The following FCHSD2 variants were observed in gnomAD, a reference collection of about 807,000 sequenced individuals.
The protein encoded by FCHSD2 is F-BAR and double SH3 domains protein 2.
A neutral mutation model predicts 108.1 loss-of-function variants in FCHSD2; 38 were observed. The ratio of observed to expected loss-of-function variants is 0.35; its 90% CI spans 0.27 to 0.46. The LOEUF (loss-of-function observed/expected upper bound fraction) is 0.46. Ranked by LOEUF, FCHSD2 falls within the 20% of genes least tolerant of loss-of-function variation. The pLI is 1.00. For missense variants in FCHSD2, 751 were observed against 897.8 expected (o/e 0.84, Z 2.09); for synonymous variants, 279 against 314.7 (o/e 0.89, Z 1.20).
intron 10 of FCHSD2, 135 bp downstream of exon 10, chr11:72,902,408 T>C: frequency 3.8e-6 from 2 of 529,530 alleles, no homozygotes; most frequent in Non-Finnish European, 6.6e-6. Flanking sequence ...ATAATTATTC[T>C]GTGTCCTCAC....
At chr11:72,850,375 ATTT>A (rs574177764) in intron 13 of FCHSD2, among the ~76,000 whole-genome samples, 3 of 148,048 alleles carry the variant, frequency 2.0e-5, no homozygotes, top group Non-Finnish European at 4.5e-5. Context: ...TAGGACAGAG[ATTT>A]TTTTTTATTT....
chr11:73,004,376 T>C (rs1857695452), intron 4 of FCHSD2, among the ~76,000 whole-genome samples: 1 of 152,174 alleles, frequency 6.6e-6, no homozygotes, highest in Admixed American at 6.5e-5. Context: ...TAATAACTAC[T>C]GCTTTGCTCC....
intron 2 of FCHSD2, among the ~76,000 whole-genome samples, chr11:73,108,556 T>G (rs1024449350): frequency 6.6e-6 from 1 of 152,236 alleles, no homozygotes; most frequent in Non-Finnish European, 1.5e-5. Flanking sequence ...TTTAAGTTTT[T>G]TTTTTTGTTT....
Position 73,096,987 on chromosome 11 carries a change from A to ATTTTTTTTTTTTTTTTTTTTTTT in FCHSD2, c.120-13270_120-13248dup, listed in dbSNP as rs60223064. On this transcript the variant is annotated intron_variant, in intron 2 of 19. Transcript: ENST00000409418. ...CTAATGTGATGTATTTCATTGATGG[A>ATTTTTTTTTTTTTTTTTTTTTTT]TTTTTTTTTTTTTTTTTTTTTTTTT... Among the ~76,000 whole-genome samples the ATTTTTTTTTTTTTTTTTTTTTTT allele has an allele frequency of 4.5e-3, 121 of 27,044 alleles. 48 individuals are homozygous for ATTTTTTTTTTTTTTTTTTTTTTT. Among genetic ancestry groups the ATTTTTTTTTTTTTTTTTTTTTTT allele is most frequent in the East Asian group, 7.1e-3 (4 of 564 alleles). The allele number at this position is 27,044 out of a possible 152,430, so 17.7% of individuals were successfully genotyped here.
intron 3 of FCHSD2, among the ~76,000 whole-genome samples, chr11:73,043,037 C>T (rs1354151197): frequency 6.6e-6 from 1 of 152,132 alleles, no homozygotes; most frequent in African/African-American, 2.4e-5. Flanking sequence ...TATTTAGATG[C>T]CTTGAATTTC....
intron 4 of FCHSD2, among the ~76,000 whole-genome samples, chr11:73,002,846 C>CT (rs1289090230): frequency 6.6e-6 from 1 of 152,122 alleles, no homozygotes; most frequent in African/African-American, 2.4e-5. Flanking sequence ...GGTTCCAGCA[C>CT]TTTTCTTTTA....
intron 9 of FCHSD2, among the ~76,000 whole-genome samples, chr11:72,913,821 A>AAC (rs1555053442): frequency 1.4e-5 from 2 of 144,500 alleles, no homozygotes; most frequent in African/African-American, 2.6e-5. Context: ...ACCAAAAAAA[A>AAC]CCCAAAAAAA....
At chr11:73,022,296 T>A (rs1858127785) in intron 3 of FCHSD2, among the ~76,000 whole-genome samples, 1 of 152,032 alleles carries the variant, frequency 6.6e-6, no homozygotes, top group African/African-American at 2.4e-5. Flanking sequence ...ATAAAAGGCA[T>A]ACAGATAGGA....
intron 8 of FCHSD2, among the ~76,000 whole-genome samples, chr11:72,981,969 G>A (rs1324424406): frequency 2.6e-5 from 4 of 152,152 alleles, no homozygotes; most frequent in Admixed American, 6.5e-5. Flanking sequence ...ATGACAGAGC[G>A]AGACCCTGTC....
At chr11:72,892,492 A>G (rs1855333126) in intron 10 of FCHSD2, among the ~76,000 whole-genome samples, 1 of 152,296 alleles carries the variant, frequency 6.6e-6, no homozygotes, top group Non-Finnish European at 1.5e-5. Flanking sequence ...AGGTGAATAC[A>G]GCCCAGGCTA....
chr11:73,122,690 A>G (rs1860762977), intron 2 of FCHSD2, among the ~76,000 whole-genome samples: 2 of 152,210 alleles, frequency 1.3e-5, no homozygotes, highest in African/African-American at 2.4e-5. Context: ...TTTAGGATAT[A>G]TATTACTCAG....
intron 9 of FCHSD2, among the ~76,000 whole-genome samples, chr11:72,910,770 C>T (rs1855747645): frequency 6.6e-6 from 1 of 150,822 alleles, no homozygotes; most frequent in Admixed American, 6.6e-5. Context: ...CACTATTATC[C>T]TATGACCCTG....
intron 8 of FCHSD2, among the ~76,000 whole-genome samples, chr11:72,925,256 G>C (rs1380642663): frequency 6.6e-6 from 1 of 152,058 alleles, no homozygotes; most frequent in Non-Finnish European, 1.5e-5. Flanking sequence ...ACCATAATCA[G>C]GATCATTTCT....
intron 4 of FCHSD2, among the ~76,000 whole-genome samples, chr11:73,005,791 C>A (rs1857727067): frequency 6.6e-6 from 1 of 152,000 alleles, no homozygotes; most frequent in African/African-American, 2.4e-5. Flanking sequence ...CAGGTGTGAG[C>A]CACTGCACCA....
intron 8 of FCHSD2, among the ~76,000 whole-genome samples, chr11:72,930,590 C>A (rs1435776295): frequency 6.6e-6 from 1 of 152,084 alleles, no homozygotes; most frequent in African/African-American, 2.4e-5. Flanking sequence ...ACCAAAAATA[C>A]AAAAATTAGC....
At chr11:72,887,417 T>A in intron 12 of FCHSD2, 53 bp downstream of exon 12, 1 of 1,080,980 alleles carries the variant, frequency 9.3e-7, no homozygotes, top group Non-Finnish European at 1.4e-6. Context: ...ATATCACAGC[T>A]GTGACAGTGT....
chr11:72,931,353 T>A (rs987252821), intron 8 of FCHSD2, among the ~76,000 whole-genome samples: 3 of 148,838 alleles, frequency 2.0e-5, no homozygotes, highest in African/African-American at 7.3e-5. Flanking sequence ...GTGATCCATC[T>A]GCCTCAGCCT....
chr11:73,035,998 C>T (rs755912832), intron 3 of FCHSD2, among the ~76,000 whole-genome samples: 4 of 152,084 alleles, frequency 2.6e-5, no homozygotes, highest in Admixed American at 6.6e-5. Context: ...GGATTACAAG[C>T]GTGAGCCACC....
chr11:73,049,662 T>A (rs1478568948), intron 3 of FCHSD2, among the ~76,000 whole-genome samples: 1 of 142,664 alleles, frequency 7.0e-6, no homozygotes, highest in Non-Finnish European at 1.5e-5. Context: ...TGTGCACATG[T>A]ACCCTAAAAC....
Sources: gnomAD v4.1 joint callset for allele counts (sites outside exome capture counted in the v4.1 genomes callset) on GRCh38, gnomAD v4.1.1 for gene constraint, MANE v1.5 for transcripts, NCBI Gene and HGNC (gene_info 2026-07-23, HGNC 2026-07-21) for gene names.